Variants in MARK1 observed in about 807,000 individuals in gnomAD.
MARK1 encodes the protein microtubule affinity regulating kinase 1.
Under a neutral mutation model 96.3 loss-of-function variants are expected in MARK1, and 40 were observed. The ratio of observed to expected loss-of-function variants is 0.42; its 90% confidence interval spans 0.32 to 0.54. The LOEUF (loss-of-function observed/expected upper bound fraction) is 0.54. Among genes scored for constraint, MARK1 ranks in the 20% least tolerant of loss-of-function variants. The probability of loss-of-function intolerance (pLI) is 0.16; values close to 1 mark genes in which losing one functional copy is unlikely to be tolerated. For synonymous variants in MARK1, 317 were observed against 341.2 expected (o/e 0.93, Z 0.78); for missense variants, 719 against 984.6 (o/e 0.73, Z 3.61).
intron 1 of MARK1, among the ~76,000 whole-genome samples, chr1:220,533,277 G>A (rs1349961807): frequency 6.6e-6 from 1 of 152,112 alleles, no homozygotes; most frequent in African/African-American, 2.4e-5. Flanking sequence ...CACATCAGTG[G>A]TCTCTAAAGT....
chr1:220,649,092 T>C (rs535755242), intron 13 of MARK1, among the ~76,000 whole-genome samples: 37 of 152,350 alleles, frequency 2.4e-4, no homozygotes, highest in South Asian at 4.1e-4. Flanking sequence ...GGAAAGCAGG[T>C]AATGAAACAA....
intron 10 of MARK1, 66 bp from the exon 11 acceptor site, chr1:220,632,135 A>T (rs1024197642): frequency 1.2e-5 from 9 of 727,818 alleles, no homozygotes; most frequent in African/African-American, 1.8e-5. Flanking sequence ...AAACTTGCCC[A>T]TTTTTGTTGA....
At chr1:220,605,356 G>A (rs188329758) in intron 6 of MARK1, among the ~76,000 whole-genome samples, 2 of 152,098 alleles carry the variant, frequency 1.3e-5, no homozygotes, top group African/African-American at 4.8e-5. Flanking sequence ...CTAGTAATAA[G>A]GAAAACAACT....
At chr1:220,637,126 A>G (rs886115890) in intron 13 of MARK1, among the ~76,000 whole-genome samples, 53 of 152,202 alleles carry the variant, frequency 3.5e-4, no homozygotes, top group Admixed American at 1.5e-3. Flanking sequence ...GACCATTTGA[A>G]AACACCTTAG....
intron 1 of MARK1, chr1:220,572,098 A>C (rs1485236584): frequency 2.0e-5 from 3 of 152,238 alleles, no homozygotes; most frequent in Non-Finnish European, 4.4e-5. Flanking sequence ...AAAGAGAACT[A>C]AAATATCTAT....
At chr1:220,620,943 C>T (rs1182305612) in intron 9 of MARK1, among the ~76,000 whole-genome samples, 1 of 152,076 alleles carries the variant, frequency 6.6e-6, no homozygotes, top group Non-Finnish European at 1.5e-5. Context: ...TTAAGAAACT[C>T]TCCTAGAAAT....
intron 6 of MARK1, among the ~76,000 whole-genome samples, chr1:220,604,722 A>C (rs1433594904): frequency 6.6e-6 from 1 of 152,012 alleles, no homozygotes; most frequent in Non-Finnish European, 1.5e-5. Context: ...AGAAAAAATA[A>C]ATTTATCTAG....
chr1:220,625,962 C>A (rs1429792289), intron 9 of MARK1: 1 of 551,110 alleles, frequency 1.8e-6, no homozygotes, highest in South Asian at 1.4e-5. Flanking sequence ...ACATTAAATT[C>A]TTGCGCTCCA....
chr1:220,616,735 A>T (rs1666773311), intron 7 of MARK1, among the ~76,000 whole-genome samples: 1 of 152,168 alleles, frequency 6.6e-6, no homozygotes, highest in Non-Finnish European at 1.5e-5. Flanking sequence ...TTCAGAGCTT[A>T]TGAATTTTCT....
intron 2 of MARK1, among the ~76,000 whole-genome samples, chr1:220,579,825 A>G (rs1275546906): frequency 6.6e-6 from 1 of 152,220 alleles, no homozygotes; most frequent in African/African-American, 2.4e-5. Context: ...CTTTCGTTAT[A>G]TGATTTCTGT....
At chr1:220,607,647 A>G (rs1666164962) in intron 6 of MARK1, among the ~76,000 whole-genome samples, 2 of 151,920 alleles carry the variant, frequency 1.3e-5, no homozygotes, top group African/African-American at 4.8e-5. Flanking sequence ...AGTATGGGGA[A>G]TGCTTCCAGT....
intron 1 of MARK1, among the ~76,000 whole-genome samples, chr1:220,556,223 G>GA (rs1662233107): frequency 1.3e-5 from 2 of 152,102 alleles, no homozygotes; most frequent in Non-Finnish European, 2.9e-5. Context: ...AAGAAAGTTA[G>GA]AAAAAACTCT....
chr1:220,589,454 C>T (rs1664846348), intron 3 of MARK1, among the ~76,000 whole-genome samples: 1 of 152,172 alleles, frequency 6.6e-6, no homozygotes, highest in Admixed American at 6.5e-5. Flanking sequence ...CTAACCCTGA[C>T]CTAAGCTCTA....
At chr1:220,657,212 G>A (rs1278618391) in intron 16 of MARK1, among the ~76,000 whole-genome samples, 1 of 152,142 alleles carries the variant, frequency 6.6e-6, no homozygotes, top group East Asian at 1.9e-4. Context: ...ATCCAGGTAA[G>A]GTCAGTGTTT....
At chr1:220,529,296 A>G (rs1357679242) in intron 1 of MARK1, among the ~76,000 whole-genome samples, 1 of 151,908 alleles carries the variant, frequency 6.6e-6, no homozygotes, top group Non-Finnish European at 1.5e-5. Context: ...GGATCTTTCA[A>G]TCCTTTGCAC....
intron 1 of MARK1, among the ~76,000 whole-genome samples, chr1:220,571,458 C>T (rs1412174201): frequency 2.6e-5 from 4 of 152,132 alleles, no homozygotes; most frequent in Non-Finnish European, 5.9e-5. Flanking sequence ...ATTTTTGTCA[C>T]TCATAAAAGT....
chr1:220,541,915 C>G (rs183339863), intron 1 of MARK1, among the ~76,000 whole-genome samples: 3 of 152,296 alleles, frequency 2.0e-5, no homozygotes, highest in African/African-American at 7.2e-5. Flanking sequence ...CTTACTATTG[C>G]CATTTTGTTA....
chr1:220,626,093 G>A (rs780689936), intron 9 of MARK1: 34 of 610,664 alleles, frequency 5.6e-5, no homozygotes, highest in Non-Finnish European at 1.0e-4. Flanking sequence ...TCTCTGGCAA[G>A]TGCTGTGAAA....
intron 6 of MARK1, among the ~76,000 whole-genome samples, chr1:220,614,167 C>T (rs1666610068): frequency 6.6e-6 from 1 of 152,024 alleles, no homozygotes; most frequent in African/African-American, 2.4e-5. Flanking sequence ...ACCACCACAC[C>T]TAGCTAATAT....
Sources: allele counts gnomAD v4.1 joint callset (sites outside exome capture counted in the v4.1 genomes callset), GRCh38; gene constraint gnomAD v4.1.1; transcripts MANE v1.5; gene names NCBI Gene and HGNC (gene_info 2026-07-23, HGNC 2026-07-21).